Variants in PCDHGA10 observed in about 807,000 individuals in gnomAD.
PCDHGA10 encodes the protein protocadherin gamma-A10.
PCDHGA10 carries 42 observed loss-of-function variants against 59.5 expected under a neutral mutation model. The observed-to-expected ratio is 0.71, with a 90% CI of 0.55 to 0.91. PCDHGA10 has a LOEUF of 0.91. Among genes scored for constraint, PCDHGA10 ranks in the 40% least tolerant of loss-of-function variants. The probability of loss-of-function intolerance (pLI) is 0.00; values close to 1 mark genes in which losing one functional copy is unlikely to be tolerated. For missense variants in PCDHGA10, 1,111 were observed against 1,198.2 expected, an observed-to-expected ratio of 0.93 and a Z score of 1.07; for synonymous variants, 511 against 517.2, an observed-to-expected ratio of 0.99 and a Z score of 0.16.
intron 1 of PCDHGA10, chr5:141,427,474 A>G (rs373512099): frequency 3.7e-5 from 19 of 520,294 alleles, no homozygotes; most frequent in African/African-American, 1.5e-4. Context: ...TCTTCCGCCA[A>G]TAATGACTAT....
chr5:141,486,371 G>T lies in PCDHGA10; in HGVS notation c.2437-8436G>T. 1.9e-6 allele frequency: 3 copies of T among 1,614,138 alleles called. No homozygotes were observed. The highest frequency in any genetic ancestry group is 2.5e-6 in the Non-Finnish European group (3 of 1,180,010). On this transcript the variant is annotated intron_variant, in intron 1 of 3. Coordinates refer to ENST00000398610, the MANE Select transcript of PCDHGA10 (RefSeq NM_018913.3). The surrounding 1 kb of genome is among the most constrained non-coding windows in gnomAD (Gnocchi z 5.0). ...CCACTTGCCATTTGCCCTCAAGTCT[G>T]CCTTCAGGAACCAGTTCTCCCTGGT...
At chr5:141,415,701 T>C in intron 1 of PCDHGA10, 90 bp downstream of exon 1, 2 of 1,506,520 alleles carry the variant, frequency 1.3e-6, no homozygotes, top group Non-Finnish European at 1.8e-6. Context: ...AAAGTGTAAA[T>C]GCTAAAACAC....
rs1481867404 is a variant in PCDHGA10 at position 141,413,841 on chromosome 5, T to C, written c.666T>C (p.Gly222=). 6.2e-7 allele frequency: 1 copy of C among 1,613,060 alleles called. No individual in the cohort carries two copies. Among genetic ancestry groups the C allele is most frequent in the Admixed American group, 1.7e-5 (1 of 59,982 alleles). ...HHLVLTASDG[G]DPLRSGTVLV... ...TGGTCCTCACCGCCTCCGACGGGGG[T>C]GACCCTCTCCGATCTGGCACTGTCC... is the stretch of plus-strand genomic sequence containing the variant. Residue 222 remains glycine (G), a synonymous_variant, in exon 1 of 4, where the codon GGT becomes GGC. Transcript: ENST00000398610.
At chr5:141,417,538 A>G (rs2154547037) in intron 1 of PCDHGA10, 2 of 297,748 alleles carry the variant, frequency 6.7e-6, no homozygotes, top group East Asian at 6.0e-5. Flanking sequence ...AGTTTAAAAA[A>G]AATTCCTTGA....
At position 141,477,115 on chromosome 5, in the gene PCDHGA10, A is replaced by G. The variant is rs1218111107; in HGVS notation, c.2437-17692A>G. ...AAGACAAGGGCGCCAATCCCGAAGG[A>G]GCACATTGCAAAGTGTTGGTGGAGG... On this transcript the variant is annotated intron_variant, in intron 1 of 3. Transcript: ENST00000398610. This position sits in a 1 kb window ranked among gnomAD's most constrained non-coding sequence, Gnocchi z 4.9. 1 of 1,614,230 alleles carries G rather than the reference A, an allele frequency of 6.2e-7. No homozygotes were observed. Among genetic ancestry groups the G allele is most frequent in the South Asian group, 1.1e-5 (1 of 91,090 alleles).
chr5:141,477,568 C>G lies in PCDHGA10; in HGVS notation c.2437-17239C>G. 1 of 1,614,172 alleles carries G rather than the reference C, an allele frequency of 6.2e-7. No individual in the cohort carries two copies. Among genetic ancestry groups the G allele is most frequent in the Non-Finnish European group, 8.5e-7 (1 of 1,180,044 alleles). On this transcript the variant is annotated intron_variant, in intron 1 of 3. Coordinates refer to ENST00000398610, the MANE Select transcript of PCDHGA10 (RefSeq NM_018913.3). The surrounding 1 kb of genome is among the most constrained non-coding windows in gnomAD (Gnocchi z 4.9). ...TACTAAACCTAAGTGTCTGGGACCC[C>G]GACGCCCCGCAGAATGCTCGGCTTT...
In PCDHGA10 at chr5:141,418,980, A is replaced by G; in HGVS notation, c.2436+3369A>G. 1 of 1,614,004 alleles carries G rather than the reference A, an allele frequency of 6.2e-7. No individual in the cohort carries two copies. ...GTTGCCCTCTTCAAAACACGGGACC[A>G]AGACTCAGGGGAAAATGGGGAAGTC... On this transcript the variant is annotated intron_variant, in intron 1 of 3. Transcript: ENST00000398610.
At position 141,477,744 on chromosome 5, in the gene PCDHGA10, G is replaced by A; in HGVS notation, c.2437-17063G>A. On this transcript the variant is annotated intron_variant, in intron 1 of 3. Coordinates refer to ENST00000398610, the MANE Select transcript of PCDHGA10 (RefSeq NM_018913.3). The surrounding 1 kb of genome is among the most constrained non-coding windows in gnomAD (Gnocchi z 4.9). Reference sequence around the variant, plus strand: ...TTAACAGCTCATATCAGCGATGGGGGCACCCCGGTCCTAGCCACCAACATC... The same window carrying A: ...TTAACAGCTCATATCAGCGATGGGGACACCCCGGTCCTAGCCACCAACATC... 6.2e-7 allele frequency: 1 copy of A among 1,613,778 alleles called. No homozygotes were observed. The highest frequency in any genetic ancestry group is 8.5e-7 in the Non-Finnish European group (1 of 1,180,028).
rs779191558 is a variant in PCDHGA10 at position 141,491,465 on chromosome 5, A to T, written c.2437-3342A>T. 3.1e-6 allele frequency: 5 copies of T among 1,614,092 alleles called. No homozygotes were observed. Among genetic ancestry groups the T allele is most frequent in the Non-Finnish European group, 4.2e-6 (5 of 1,180,010 alleles). On this transcript the variant is annotated intron_variant, in intron 1 of 3. Transcript: ENST00000398610. The surrounding 1 kb of genome is among the most constrained non-coding windows in gnomAD (Gnocchi z 6.9). ...CAGGACTCACCCTCCCCGGACTTCT[A>T]TAAGCAGTCCAGCCCCAACCTGCAG... is the stretch of plus-strand genomic sequence containing the variant.
intron 1 of PCDHGA10, among the ~76,000 whole-genome samples, chr5:141,437,076 A>G (rs1018228245): frequency 6.6e-6 from 1 of 152,236 alleles, no homozygotes; most frequent in African/African-American, 2.4e-5. Flanking sequence ...TTTGGGCCAT[A>G]TAAGAATTGA....
chr5:141,508,737 C>A (rs919094477), intron 3 of PCDHGA10, among the ~76,000 whole-genome samples: 8 of 152,010 alleles, frequency 5.3e-5, no homozygotes, highest in Non-Finnish European at 1.2e-4. Flanking sequence ...CTACACCCCC[C>A]ACCCCGCTCT....
At chr5:141,421,618 G>A (rs748399893) in intron 1 of PCDHGA10, 1 of 1,613,766 alleles carries the variant, frequency 6.2e-7, no homozygotes, top group African/African-American at 1.3e-5. Context: ...TAATGATAAC[G>A]CCCCCAGCTT....
At chr5:141,423,219 T>C (rs775170753) in intron 1 of PCDHGA10, 3 of 1,613,752 alleles carry the variant, frequency 1.9e-6, no homozygotes, top group Admixed American at 1.7e-5. Flanking sequence ...TCACCGTGGC[T>C]GTGGCCGACA....
At chr5:141,467,114 G>A (rs971182917) in intron 1 of PCDHGA10, among the ~76,000 whole-genome samples, 5 of 149,522 alleles carry the variant, frequency 3.3e-5, no homozygotes, top group South Asian at 2.1e-4. Context: ...GTACAATGGT[G>A]CAATCTCAGC....
intron 1 of PCDHGA10, among the ~76,000 whole-genome samples, chr5:141,474,085 AAAAC>A (rs937548165): frequency 1.3e-5 from 2 of 152,188 alleles, no homozygotes; most frequent in African/African-American, 4.8e-5. Flanking sequence ...CAAAAACCAA[AAAAC>A]AAACAACAAC....
chr5:141,466,992 A>ATTT (rs985433044), intron 1 of PCDHGA10, among the ~76,000 whole-genome samples: 1 of 148,706 alleles, frequency 6.7e-6, no homozygotes, highest in African/African-American at 2.5e-5. Flanking sequence ...ACCTTTTGGC[A>ATTT]TTTTTTTGCA....
rs376937850 is a variant in PCDHGA10 at position 141,491,097 on chromosome 5, C to T, written c.2437-3710C>T. The T allele has an allele frequency of 1.2e-6, 2 of 1,614,170 alleles. No homozygotes were observed. Among genetic ancestry groups the T allele is most frequent in the Non-Finnish European group, 1.7e-6 (2 of 1,180,018 alleles). On this transcript the variant is annotated intron_variant, in intron 1 of 3. Coordinates refer to ENST00000398610, the MANE Select transcript of PCDHGA10 (RefSeq NM_018913.3). The surrounding 1 kb of genome is among the most constrained non-coding windows in gnomAD (Gnocchi z 6.9). ...CACAGTCCACAGCCCCAGGACTGTT[C>T]CTCGTGTCTACACACACTGGTGAGG...
At position 141,476,379 on chromosome 5, in the gene PCDHGA10, T is replaced by TTCA. The variant is rs768549633; in HGVS notation, c.2437-18428_2437-18427insTCA. 9 of 1,614,126 alleles carry TTCA rather than the reference T, an allele frequency of 5.6e-6. No homozygotes were observed. The East Asian group carries it at 2.0e-4, about 36-fold the overall frequency. ...AACCGGGAGACCGGAGAGATGTTTG[T>TTCA]GAACGACCGTCTGGATCGAGAGGAG... On this transcript the variant is annotated intron_variant, in intron 1 of 3. Transcript: ENST00000398610. This position sits in a 1 kb window ranked among gnomAD's most constrained non-coding sequence, Gnocchi z 7.6.
Position 141,487,315 on chromosome 5 carries a change from G to T in PCDHGA10, c.2437-7492G>T, listed in dbSNP as rs568326280. 11 of 1,614,166 alleles carry T rather than the reference G, an allele frequency of 6.8e-6. No individual in the cohort carries two copies. In the South Asian group the frequency reaches 1.2e-4, roughly 18 times the overall value. ...GCTCATTCGTGGCACTACTCTCTAA[G>T]TGTCTTCGTGGGGCAGCCTGTGGAG... On this transcript the variant is annotated intron_variant, in intron 1 of 3. Transcript: ENST00000398610. The surrounding 1 kb of genome is among the most constrained non-coding windows in gnomAD (Gnocchi z 5.0).
Sources: gnomAD v4.1 joint callset for allele counts (sites outside exome capture counted in the v4.1 genomes callset) on GRCh38, gnomAD v4.1.1 for gene constraint, Gnocchi (gnomAD v3.1) non-coding constraint, MANE v1.5 for transcripts, NCBI Gene and HGNC (gene_info 2026-07-23, HGNC 2026-07-21) for gene names.